EYA1: variants seen among roughly 807,000 people sequenced by gnomAD.
The protein encoded by EYA1 is EYA transcriptional coactivator and phosphatase 1, also known as protein phosphatase EYA1.
Under a neutral mutation model 82.0 loss-of-function variants are expected in EYA1, and 16 were observed. That is an observed-to-expected ratio of 0.20 (90% confidence interval 0.13 to 0.30). The LOEUF (loss-of-function observed/expected upper bound fraction) is 0.30. Ranked by LOEUF, EYA1 falls within the 10% of genes least tolerant of loss-of-function variation. The pLI is 1.00. For synonymous variants in EYA1, 261 were observed against 264.4 expected, an observed-to-expected ratio of 0.99 and a Z score of 0.12; for missense variants, 633 against 730.7, an observed-to-expected ratio of 0.87 and a Z score of 1.54.
chr8:71,531,390 C>T (rs1814264695), intron 2 of EYA1: 1 of 152,184 alleles, frequency 6.6e-6, no homozygotes, highest in Non-Finnish European at 1.5e-5. Context: ...GGTCTTACGA[C>T]TTCAAGTCTA....
At chr8:71,225,355 G>T (rs545080506) in intron 12 of EYA1, 5 of 455,756 alleles carry the variant, frequency 1.1e-5, no homozygotes, top group South Asian at 6.2e-5. Context: ...ACTGGCAATC[G>T]CTGGCAGACC....
At chr8:71,505,933 C>A (rs1177713993) in intron 2 of EYA1, among the ~76,000 whole-genome samples, 2 of 152,084 alleles carry the variant, frequency 1.3e-5, no homozygotes, top group Non-Finnish European at 2.9e-5. Flanking sequence ...AGAGTGAGTT[C>A]TCATGAAACT....
At chr8:71,206,818 T>G (rs1807836177) in intron 17 of EYA1, among the ~76,000 whole-genome samples, 1 of 152,036 alleles carries the variant, frequency 6.6e-6, no homozygotes, top group Non-Finnish European at 1.5e-5. Context: ...TGCAGTGGCA[T>G]GAGTTCGGCT....
intron 17 of EYA1, among the ~76,000 whole-genome samples, chr8:71,209,744 GAGGGAGTGTGTAAGGA>G (rs1808276128): frequency 6.6e-6 from 1 of 152,192 alleles, no homozygotes; most frequent in Admixed American, 6.5e-5. Flanking sequence ...GGATTCCTAT[GAGGGAGTGTGTAAGGA>G]AGGGAATGGA....
chr8:71,235,713 T>TAC (rs1563667876), intron 12 of EYA1, among the ~76,000 whole-genome samples: 1 of 152,160 alleles, frequency 6.6e-6, no homozygotes, highest in Non-Finnish European at 1.5e-5. Context: ...TGTGCCTAGG[T>TAC]ACTTAATGGT....
At chr8:71,540,911 A>G (rs1815087275) in intron 1 of EYA1, among the ~76,000 whole-genome samples, 1 of 152,218 alleles carries the variant, frequency 6.6e-6, no homozygotes, top group Non-Finnish European at 1.5e-5. Context: ...CCAGAAGACT[A>G]CAACTGCAGA....
At chr8:71,517,726 T>TAA (rs1554600963) in intron 2 of EYA1, among the ~76,000 whole-genome samples, 9 of 147,972 alleles carry the variant, frequency 6.1e-5, no homozygotes, top group South Asian at 2.1e-4. Context: ...TATATATATA[T>TAA]AACTGTATAC....
At chr8:71,390,825 C>T (rs1361927516) in intron 2 of EYA1, among the ~76,000 whole-genome samples, 1 of 152,038 alleles carries the variant, frequency 6.6e-6, no homozygotes, top group Non-Finnish European at 1.5e-5. Flanking sequence ...TATTCAATCT[C>T]TTTTCTTACT....
intron 2 of EYA1, among the ~76,000 whole-genome samples, chr8:71,495,676 TATATTC>T (rs1206665018): frequency 1.3e-5 from 2 of 152,204 alleles, no homozygotes; most frequent in African/African-American, 4.8e-5. Flanking sequence ...ACTTATATCT[TATATTC>T]AGTTGTAAGA....
intron 3 of EYA1, among the ~76,000 whole-genome samples, chr8:71,347,980 C>A (rs757050141): frequency 4.6e-5 from 7 of 151,496 alleles, no homozygotes; most frequent in Non-Finnish European, 1.0e-4. Flanking sequence ...ATTGTGGGTC[C>A]TAAACGTTAA....
chr8:71,462,284 G>A (rs1299198286), intron 2 of EYA1, among the ~76,000 whole-genome samples: 1 of 152,178 alleles, frequency 6.6e-6, no homozygotes, highest in Non-Finnish European at 1.5e-5. Context: ...CCCAATGTCA[G>A]GAAGGAGCCA....
intron 7 of EYA1, among the ~76,000 whole-genome samples, chr8:71,311,890 G>A (rs1350549310): frequency 6.6e-6 from 1 of 152,188 alleles, no homozygotes; most frequent in East Asian, 1.9e-4. Flanking sequence ...TCCTTGTTTA[G>A]TTTAAAATGG....
chr8:71,294,291 C>A (rs970462765), intron 9 of EYA1, among the ~76,000 whole-genome samples: 17 of 152,040 alleles, frequency 1.1e-4, no homozygotes, highest in African/African-American at 4.1e-4. Flanking sequence ...AACCCCGTCT[C>A]TACTAAAAAT....
At chr8:71,337,951 G>A (rs1824686088) in intron 3 of EYA1, among the ~76,000 whole-genome samples, 1 of 152,206 alleles carries the variant, frequency 6.6e-6, no homozygotes, top group African/African-American at 2.4e-5. Flanking sequence ...GTAAGTGTGG[G>A]TGAATACTCA....
intron 2 of EYA1, among the ~76,000 whole-genome samples, chr8:71,475,447 G>A (rs1019839387): frequency 1.3e-5 from 2 of 152,098 alleles, no homozygotes; most frequent in Non-Finnish European, 2.9e-5. Context: ...GGAAAACTAG[G>A]TTTGGTCTCA....
At chr8:71,329,177 TG>T (rs1290181626) in intron 4 of EYA1, among the ~76,000 whole-genome samples, 3 of 152,328 alleles carry the variant, frequency 2.0e-5, no homozygotes, top group Admixed American at 6.5e-5. Flanking sequence ...TTCATTCCTT[TG>T]TTCTCATTTC....
At chr8:71,347,739 A>G (rs1825883437) in intron 3 of EYA1, among the ~76,000 whole-genome samples, 1 of 152,156 alleles carries the variant, frequency 6.6e-6, no homozygotes, top group South Asian at 2.1e-4. Flanking sequence ...TGAAATGGGT[A>G]AGCATCATAG....
At chr8:71,439,575 G>T (rs1212161505) in intron 2 of EYA1, among the ~76,000 whole-genome samples, 1 of 152,166 alleles carries the variant, frequency 6.6e-6, no homozygotes, top group Non-Finnish European at 1.5e-5. Context: ...ACACTCATTG[G>T]GCTCCTCCAT....
intron 2 of EYA1, among the ~76,000 whole-genome samples, chr8:71,423,495 T>A (rs1044710388): frequency 2.0e-5 from 3 of 152,196 alleles, no homozygotes; most frequent in Admixed American, 2.0e-4. Context: ...TTGTTTTTAT[T>A]TATTCAGGAT....
Sources: allele counts gnomAD v4.1 joint callset (sites outside exome capture counted in the v4.1 genomes callset), GRCh38; gene constraint gnomAD v4.1.1; transcripts MANE v1.5; gene names NCBI Gene and HGNC (gene_info 2026-07-23, HGNC 2026-07-21).